OTUD6B: variants seen among roughly 807,000 people sequenced by gnomAD.
OTUD6B encodes the protein OTU deubiquitinase 6B.
In OTUD6B, 41 loss-of-function variants were observed where a neutral mutation model predicts 36.9. That is an observed-to-expected ratio of 1.11 (90% CI 0.87 to 1.44). OTUD6B has a LOEUF of 1.44. Among genes scored for constraint, OTUD6B ranks in the 40% most tolerant of loss-of-function variants. OTUD6B has a pLI of 0.00. For missense variants in OTUD6B, 356 were observed against 344.8 expected, an observed-to-expected ratio of 1.03 and a Z score of -0.26; for synonymous variants, 114 against 114.2, an observed-to-expected ratio of 1.00 and a Z score of 0.01.
intron 3 of OTUD6B, chr8:91,078,082 C>A: frequency 5.3e-6 from 1 of 188,580 alleles, no homozygotes; most frequent in Non-Finnish European, 9.9e-6. Context: ...TTTTTAGAAA[C>A]TTGGCATGTA....
At chr8:91,070,575 A>G (rs1462479455) in intron 1 of OTUD6B, 109 bp downstream of exon 1, 2 of 1,044,366 alleles carry the variant, frequency 1.9e-6, no homozygotes, top group Non-Finnish European at 2.8e-6. Context: ...ATCACCCTAG[A>G]CTTCCCCTAG....
intron 2 of OTUD6B, among the ~76,000 whole-genome samples, chr8:91,073,333 G>C (rs1370119577): frequency 6.6e-6 from 1 of 152,058 alleles, no homozygotes; most frequent in Non-Finnish European, 1.5e-5. Context: ...TTTTCTGCCT[G>C]CAGTTATCAG....
In OTUD6B at chr8:91,078,434, C is replaced by T. The variant is rs769530312; in HGVS notation, c.394C>T (p.His132Tyr). The T allele has an allele frequency of 6.1e-5, 98 of 1,600,120 alleles. No individual in the cohort carries two copies. The highest frequency in any genetic ancestry group is 1.0e-4 in the Admixed American group (6 of 57,976). ...AATTGAAAACTTAACAGGAGCCAGA[C>T]ATATGGAAAGTGAGAAACTTGCTCA... Reference protein sequence around the residue: ...AEIENLTGARHMESEKLAQIL... With the variant: ...AEIENLTGARYMESEKLAQIL... The change falls in exon 4 of 7, where the codon CAT becomes TAT. Residue 132 changes from histidine to tyrosine, a missense_variant. His to Tyr is a moderately conservative substitution (Grantham distance 83). Coordinates refer to ENST00000404789, the MANE Select transcript of OTUD6B (RefSeq NM_016023.5).
chr8:91,077,820 A>G (rs1302213511), intron 3 of OTUD6B, among the ~76,000 whole-genome samples: 1 of 151,960 alleles, frequency 6.6e-6, no homozygotes, highest in Non-Finnish European at 1.5e-5. Context: ...GGGGAGCTTG[A>G]GTCTCTCTCT....
chr8:91,080,266 G>A (rs1017286362), intron 4 of OTUD6B, among the ~76,000 whole-genome samples: 1 of 152,074 alleles, frequency 6.6e-6, no homozygotes, highest in Non-Finnish European at 1.5e-5. Context: ...CAGTAAACCT[G>A]ATTATACAGG....
At chr8:91,075,876 C>T (rs746131092) in intron 3 of OTUD6B, among the ~76,000 whole-genome samples, 5 of 151,946 alleles carry the variant, frequency 3.3e-5, no homozygotes, top group South Asian at 2.1e-4. Context: ...GGAAGAAAAA[C>T]GTGATAAAAC....
intron 3 of OTUD6B, among the ~76,000 whole-genome samples, chr8:91,077,740 A>G (rs914523306): frequency 2.6e-5 from 4 of 152,070 alleles, no homozygotes; most frequent in African/African-American, 9.7e-5. Context: ...TATTAAAATG[A>G]ATGGAAAAAC....
chr8:91,073,763 A>T, intron 2 of OTUD6B, 68 bp from the exon 3 acceptor site: 1 of 1,461,642 alleles, frequency 6.8e-7, no homozygotes, highest in South Asian at 1.3e-5. Context: ...ATGTGGGATT[A>T]GATATATTTA....
rs13256700 is a variant in OTUD6B, at chr8:91,082,138, G to C, written c.690+1408G>C. 1.5e-3 allele frequency among the ~76,000 whole-genome samples: 228 copies of C among 152,164 alleles called. 1 individual carries two copies. Among genetic ancestry groups the C allele is most frequent in the Admixed American group, 3.1e-3 (47 of 15,278 alleles). On this transcript the variant is annotated intron_variant, in intron 5 of 6. Transcript: ENST00000404789. ...TAGAAGGCATAGTAGGATTCCCAGA[G>C]TTTGGTTCGCATCCTCTATTCTATG...
rs11993219 is a variant in OTUD6B at position 91,073,758 on chromosome 8, G to A, written c.235-73G>A. On this transcript the variant is annotated intron_variant, in intron 2 of 6. Transcript: ENST00000404789. ...TGCTGTTACTCAAATTTGAAATGTG[G>A]GATTAGATATATTTATGATTTTCAG... is the stretch of plus-strand genomic sequence containing the variant. The A allele has an allele frequency of 5.6e-3, 8,113 of 1,449,310 alleles. 347 individuals carry two copies. The African/African-American group carries it at 0.1, about 18-fold the overall frequency. 89.8% of individuals were successfully genotyped at this position (1,449,310 alleles called of 1,614,324 possible).
At chr8:91,071,058 T>TACC (rs1392651678) in intron 1 of OTUD6B, 80 bp from the exon 2 acceptor site, 1 of 1,575,126 alleles carries the variant, frequency 6.3e-7, no homozygotes, top group African/African-American at 1.4e-5. Flanking sequence ...CTTCGCCCGT[T>TACC]ACCATCCCCT....
chr8:91,071,054 C>T (rs1207311405), intron 1 of OTUD6B, 84 bp from the exon 2 acceptor site: 5 of 1,571,324 alleles, frequency 3.2e-6, no homozygotes, highest in East Asian at 2.3e-5. Context: ...TACCCTTCGC[C>T]CGTTACCATC....
At position 91,073,843 on chromosome 8, in the gene OTUD6B, G is replaced by A. The variant is rs774500633; in HGVS notation, c.247G>A (p.Ala83Thr). ...TTGTTTCCTTCAGATAGATTCTGTT[G>A]CTGTTAACATTTCAAACTTGGTGCT... The part of the protein sequence containing the change: ...TTKENKIDSV[A>T]VNISNLVLEN... The change falls in exon 3 of 7, where the codon GCT becomes ACT. Residue 83 changes from alanine to threonine, a missense_variant. Ala to Thr is a moderately conservative substitution (Grantham distance 58, BLOSUM62 0). Transcript: ENST00000404789. 13 of 1,585,682 alleles carry A rather than the reference G, an allele frequency of 8.2e-6. No homozygotes were observed. In the South Asian group the frequency reaches 1.5e-4, roughly 18 times the overall value.
chr8:91,081,005 C>A (rs1436157677), intron 5 of OTUD6B, among the ~76,000 whole-genome samples: 2 of 151,984 alleles, frequency 1.3e-5, no homozygotes, highest in Non-Finnish European at 2.9e-5. Context: ...GTCTTTTCAT[C>A]GTGATAGTAG....
intron 5 of OTUD6B, among the ~76,000 whole-genome samples, chr8:91,082,289 C>T (rs957628619): frequency 7.9e-5 from 12 of 152,104 alleles, no homozygotes; most frequent in Non-Finnish European, 1.5e-4. Context: ...TCTTTCAAAA[C>T]CTCAGGAAGG....
intron 3 of OTUD6B, among the ~76,000 whole-genome samples, chr8:91,074,497 T>C (rs1431205737): frequency 1.3e-5 from 2 of 152,066 alleles, no homozygotes; most frequent in African/African-American, 4.8e-5. Flanking sequence ...TTGAAAGAAA[T>C]ATTATTTAGA....
intron 3 of OTUD6B, among the ~76,000 whole-genome samples, chr8:91,074,369 A>G (rs1812763102): frequency 6.6e-6 from 1 of 152,130 alleles, no homozygotes; most frequent in African/African-American, 2.4e-5. Flanking sequence ...ATTTGAACCT[A>G]GAAGTTAACA....
Position 91,084,002 on chromosome 8 carries a change from C to T in OTUD6B, c.691-6C>T, listed in dbSNP as rs1015446287. ...TTCCTTACTGATACTTTTTTTCTTC[C>T]TATAGCTAAGAGCTCTGTCTCACAT... On this transcript the variant is annotated splice_region_variant and splice_polypyrimidine_tract_variant and intron_variant, in intron 5 of 6. Coordinates refer to ENST00000404789, the MANE Select transcript of OTUD6B (RefSeq NM_016023.5). 4 of 1,549,102 alleles carry T rather than the reference C, an allele frequency of 2.6e-6. No homozygotes were observed. Among genetic ancestry groups the T allele is most frequent in the South Asian group, 2.5e-5 (2 of 80,958 alleles).
At position 91,078,861 on chromosome 8, in the gene OTUD6B, ATTAC is replaced by A. The variant is rs1300776716; in HGVS notation, c.628+197_628+200del. 18 of 433,384 alleles carry A rather than the reference ATTAC, an allele frequency of 4.2e-5. No homozygotes were observed. The East Asian group carries it at 5.0e-4, about 12-fold the overall frequency. The allele number at this position is 433,384 out of a possible 1,614,324, so 26.8% of individuals were successfully genotyped here. On this transcript the variant is annotated intron_variant, in intron 4 of 6. Transcript: ENST00000404789. ...TATTTTTCTCTATTAAGATTTCTTA[ATTAC>A]TTAGTTATTTTGTAATTATAATATG... is the stretch of plus-strand genomic sequence containing the variant.
Sources: gnomAD v4.1 joint callset for allele counts (sites outside exome capture counted in the v4.1 genomes callset) on GRCh38, gnomAD v4.1.1 for gene constraint, MANE v1.5 for transcripts, NCBI Gene and HGNC (gene_info 2026-07-23, HGNC 2026-07-21) for gene names.